The following TCAF2 variants were observed in gnomAD, a reference collection of about 807,000 sequenced individuals.
The protein encoded by TCAF2 is TRPM8 channel-associated factor 2.
In TCAF2, 6 loss-of-function variants were observed where a neutral mutation model predicts 33.9. The observed-to-expected ratio is 0.18, with a 90% confidence interval of 0.10 to 0.35. The LOEUF is 0.35. Ranked by LOEUF, TCAF2 falls within the 10% of genes least tolerant of loss-of-function variation. The probability of loss-of-function intolerance (pLI) is 1.00; values close to 1 mark genes in which losing one functional copy is unlikely to be tolerated. For synonymous variants in TCAF2, 41 were observed against 247.8 expected (o/e 0.17, Z 7.84); for missense variants, 109 against 604.0 (o/e 0.18, Z 8.59).
rs1809748359 is a variant in TCAF2, at chr7:143,728,918, C to G, written c.*1251C>G. The G allele has an allele frequency of 6.6e-6, 1 of 152,130 alleles. No individual in the cohort carries two copies. Among genetic ancestry groups the G allele is most frequent in the Non-Finnish European group, 1.5e-5 (1 of 68,030 alleles). The allele number at this position is 152,130 out of a possible 1,614,324, so 9.4% of individuals were successfully genotyped here. ...TTTGTTTTGAATATCATTCCTTAGG[C>G]TATGTTGAGAGTAGAGTGGCTTCCC... is the stretch of plus-strand genomic sequence containing the variant. On this transcript the variant is annotated 3_prime_UTR_variant, in exon 8 of 8. Transcript: ENST00000684770.
rs1368774485 is a variant in TCAF2 at position 143,720,245 on chromosome 7, ACT to A, written c.1190_1191del (p.Leu397GlnfsTer11). 4 of 1,030,506 alleles carry A rather than the reference ACT, an allele frequency of 3.9e-6. No homozygotes were observed. Among genetic ancestry groups the A allele is most frequent in the Non-Finnish European group, 5.6e-6 (4 of 718,330 alleles). 63.8% of individuals were successfully genotyped at this position (1,030,506 alleles called of 1,614,324 possible). A position where few individuals can be genotyped will look rare whatever the true frequency, so the allele number is the denominator to read the frequency against. ...NCFGLSILPQ[T>X]LKAGCFPVPT... Reference sequence around the variant, plus strand: ...CTTTGGCCTCAGCATCCTGCCTCAGACTCTCAAAGCAGGCTGCTTCCCCGTTC... The same window carrying A: ...CTTTGGCCTCAGCATCCTGCCTCAGACTCAAAGCAGGCTGCTTCCCCGTTC... On this transcript the variant is annotated frameshift_variant, in exon 3 of 8. Coordinates refer to ENST00000684770, the MANE Select transcript of TCAF2 (RefSeq NM_001363538.2). LOFTEE classifies it high-confidence loss of function.
In TCAF2 at chr7:143,730,195, A is replaced by G. The variant is rs1809781647; in HGVS notation, c.*2528A>G. ...GAGGAATCATCACATTGTCTTCCACAATGGTTGAACTAATTTACACTCCCA... is the reference window on the plus strand; with the variant it reads ...GAGGAATCATCACATTGTCTTCCACGATGGTTGAACTAATTTACACTCCCA... On this transcript the variant is annotated 3_prime_UTR_variant, in exon 8 of 8. Transcript: ENST00000684770. 1 of 152,098 alleles carries G rather than the reference A, an allele frequency of 6.6e-6. No homozygotes were observed. Among genetic ancestry groups the G allele is most frequent in the African/African-American group, 2.4e-5 (1 of 41,418 alleles). The allele number at this position is 152,098 out of a possible 1,614,324, so 9.4% of individuals were successfully genotyped here.
intron 1 of TCAF2, among the ~76,000 whole-genome samples, chr7:143,632,263 A>AG (rs1383828256): frequency 2.4e-3 from 38 of 15,526 alleles, no homozygotes; most frequent in Non-Finnish European, 3.9e-3. Context: ...CCCTCCTCAG[A>AG]GCAGTCTTCC....
At chr7:143,623,923 A>G in intron 1 of TCAF2, 1 of 327,312 alleles carries the variant, frequency 3.1e-6, no homozygotes, top group Non-Finnish European at 4.6e-6. Context: ...CCAGGTGCTC[A>G]TTGCTGCCTC....
intron 7 of TCAF2, among the ~76,000 whole-genome samples, chr7:143,725,331 C>G (rs1176361750): frequency 1.3e-5 from 2 of 151,198 alleles, no homozygotes; most frequent in African/African-American, 4.9e-5. Flanking sequence ...AAACACAAAT[C>G]CCTGCCCCCT....
In TCAF2 at chr7:143,728,238, C is replaced by T. The variant is rs545669604; in HGVS notation, c.*571C>T. On this transcript the variant is annotated 3_prime_UTR_variant, in exon 8 of 8. Transcript: ENST00000684770. Reference sequence around the variant, plus strand: ...TCCTGGTCCCATAGTGGACTGTTAACGGTGTCCAGTCTAGCGTGCACATCC... The same window carrying T: ...TCCTGGTCCCATAGTGGACTGTTAATGGTGTCCAGTCTAGCGTGCACATCC... 2.7e-4 allele frequency: 45 copies of T among 168,574 alleles called. No individual in the cohort carries two copies. The highest frequency in any genetic ancestry group is 3.4e-4 in the African/African-American group (14 of 41,516). The allele number at this position is 168,574 out of a possible 1,614,324, so 10.4% of individuals were successfully genotyped here. A position where few individuals can be genotyped will look rare whatever the true frequency, so the allele number is the denominator to read the frequency against.
rs1220593584 is a variant in TCAF2, at chr7:143,724,698, G to T, written c.2505+1G>T. On this transcript the variant is annotated splice_donor_variant, in intron 7 of 7. Coordinates refer to ENST00000684770, the MANE Select transcript of TCAF2 (RefSeq NM_001363538.2). LOFTEE classifies it high-confidence loss of function. ...GACAGCCCTGGAAACATATCTACAG[G>T]TACTGAGCAGAAATTCTGGGAGAAG... 6.2e-7 allele frequency: 1 copy of T among 1,601,068 alleles called. No homozygotes were observed. The highest frequency in any genetic ancestry group is 1.4e-5 in the African/African-American group (1 of 71,716).
chr7:143,728,817 A>T lies in TCAF2; in HGVS notation c.*1150A>T, dbSNP rs1809744080. 1 of 152,174 alleles carries T rather than the reference A, an allele frequency of 6.6e-6. No individual in the cohort carries two copies. The highest frequency in any genetic ancestry group is 1.5e-5 in the Non-Finnish European group (1 of 68,030). The allele number at this position is 152,174 out of a possible 1,614,324, so 9.4% of individuals were successfully genotyped here. A position where few individuals can be genotyped will look rare whatever the true frequency, so the allele number is the denominator to read the frequency against. ...GACTCTTCGGTTAGAGGGAGTTCTC[A>T]TTGGAGATTTGTCTCTGGGATTAAT... On this transcript the variant is annotated 3_prime_UTR_variant, in exon 8 of 8. Transcript: ENST00000684770.
At chr7:143,622,608 T>C (rs1162099281) in intron 1 of TCAF2, among the ~76,000 whole-genome samples, 1 of 38,296 alleles carries the variant, frequency 2.6e-5, no homozygotes, top group Non-Finnish European at 6.2e-5. Context: ...TTTTATTTTA[T>C]TTTTTGAGGC....
chr7:143,725,054 GT>G, intron 7 of TCAF2: 1 of 267,674 alleles, frequency 3.7e-6, no homozygotes, highest in South Asian at 6.3e-5. Context: ...CTCCTAATAA[GT>G]GTTCCATAAA....
rs1809720571 is a variant in TCAF2, at chr7:143,727,948, T to C, written c.*281T>C. 1 of 169,384 alleles carries C rather than the reference T, an allele frequency of 5.9e-6. No individual in the cohort carries two copies. Among genetic ancestry groups the C allele is most frequent in the African/African-American group, 2.6e-5 (1 of 38,724 alleles). The allele number at this position is 169,384 out of a possible 1,614,324, so 10.5% of individuals were successfully genotyped here. A position where few individuals can be genotyped will look rare whatever the true frequency, so the allele number is the denominator to read the frequency against. On this transcript the variant is annotated 3_prime_UTR_variant, in exon 8 of 8. Coordinates refer to ENST00000684770, the MANE Select transcript of TCAF2 (RefSeq NM_001363538.2). ...TTTCATCCTGCCATCCTGAGGCTTC[T>C]ATTTTTGACCAATAGCTCTAAAGAC...
rs766829014 is a variant in TCAF2, at chr7:143,623,985, G to A, written c.-12+2965G>A. ...TTGTGTCCCATGAGGGCTACCTGTCGCATGCTGGCTTGGCTTCATTTCTCC... is the reference window on the plus strand; with the variant it reads ...TTGTGTCCCATGAGGGCTACCTGTCACATGCTGGCTTGGCTTCATTTCTCC... On this transcript the variant is annotated intron_variant, in intron 1 of 7. Transcript: ENST00000684770. The A allele has an allele frequency of 1.4e-5, 7 of 489,952 alleles. 3 individuals carry two copies. Among genetic ancestry groups the A allele is most frequent in the East Asian group, 4.0e-4 (2 of 5,038 alleles). The allele number at this position is 489,952 out of a possible 1,614,324, so 30.4% of individuals were successfully genotyped here.
Position 143,634,997 on chromosome 7 carries a change from G to A in TCAF2, c.-12+13977G>A, listed in dbSNP as rs1405419606. Reference sequence around the variant, plus strand: ...CATAGTTCTCTCTAGTCCTTTTTTTGATGTTATAGATCCTAAGAAAACATC... The same window carrying A: ...CATAGTTCTCTCTAGTCCTTTTTTTAATGTTATAGATCCTAAGAAAACATC... On this transcript the variant is annotated intron_variant, in intron 1 of 7. Coordinates refer to ENST00000684770, the MANE Select transcript of TCAF2 (RefSeq NM_001363538.2). 1.2e-4 allele frequency among the ~76,000 whole-genome samples: 13 copies of A among 104,380 alleles called. No individual in the cohort carries two copies. The East Asian group carries it at 3.2e-3, about 26-fold the overall frequency. 68.5% of individuals were successfully genotyped at this position (104,380 alleles called of 152,430 possible). A position where few individuals can be genotyped will look rare whatever the true frequency, so the allele number is the denominator to read the frequency against.
rs990086562 is a variant in TCAF2, at chr7:143,728,557, T to C, written c.*890T>C. ...TTTGCCCTTCAACCAAAGGACAAAG[T>C]CATGTTAACAGCTGCTACTAAGTCT... On this transcript the variant is annotated 3_prime_UTR_variant, in exon 8 of 8. Transcript: ENST00000684770. The C allele has an allele frequency of 1.3e-5, 2 of 152,156 alleles. No individual in the cohort carries two copies. The highest frequency in any genetic ancestry group is 4.8e-5 in the African/African-American group (2 of 41,420). The allele number at this position is 152,156 out of a possible 1,614,324, so 9.4% of individuals were successfully genotyped here.
Position 143,729,807 on chromosome 7 carries a change from T to C in TCAF2, c.*2140T>C, listed in dbSNP as rs1809773660. ...CCCCAGTGTGATGTTTCCCTCCCTG[T>C]GTCCATTTGTTCTCATTTTTCATCT... On this transcript the variant is annotated 3_prime_UTR_variant, in exon 8 of 8. Transcript: ENST00000684770. 1 of 152,244 alleles carries C rather than the reference T, an allele frequency of 6.6e-6. No homozygotes were observed. Among genetic ancestry groups the C allele is most frequent in the East Asian group, 1.9e-4 (1 of 5,186 alleles). The allele number at this position is 152,244 out of a possible 1,614,324, so 9.4% of individuals were successfully genotyped here.
At position 143,637,776 on chromosome 7, in the gene TCAF2, TG is replaced by T. The variant is rs1382435348; in HGVS notation, c.-12+16758del. Reference sequence around the variant, plus strand: ...AGAAAACACTCTTATCAGTTTATTGTGGTTGTTCCCTGACATTTTGGACATA... The same window carrying T: ...AGAAAACACTCTTATCAGTTTATTGTGTTGTTCCCTGACATTTTGGACATA... On this transcript the variant is annotated intron_variant, in intron 1 of 7. Coordinates refer to ENST00000684770, the MANE Select transcript of TCAF2 (RefSeq NM_001363538.2). 5.4e-3 allele frequency among the ~76,000 whole-genome samples: 555 copies of T among 103,150 alleles called. 14 individuals are homozygous for T. Among genetic ancestry groups the T allele is most frequent in the African/African-American group, 0.019 (540 of 28,548 alleles). The allele number at this position is 103,150 out of a possible 152,430, so 67.7% of individuals were successfully genotyped here. A position where few individuals can be genotyped will look rare whatever the true frequency, so the allele number is the denominator to read the frequency against.
chr7:143,707,242 A>AT (rs1337235654), intron 2 of TCAF2, among the ~76,000 whole-genome samples: 1 of 144,732 alleles, frequency 6.9e-6, no homozygotes, highest in African/African-American at 2.7e-5. Context: ...AGGTAGGAGA[A>AT]TCACATGAAC....
intron 1 of TCAF2, among the ~76,000 whole-genome samples, chr7:143,701,821 ATT>A (rs1217656675): frequency 1.0e-5 from 1 of 99,326 alleles, no homozygotes; most frequent in African/African-American, 3.8e-5. Flanking sequence ...ATTTTATTTT[ATT>A]TTATTTTTTG....
chr7:143,724,736 C>T (rs758480979), intron 7 of TCAF2, 39 bp downstream of exon 7: 52 of 1,552,776 alleles, frequency 3.3e-5, no homozygotes, highest in East Asian at 1.1e-4. Context: ...GATGACCAGA[C>T]CCCTCAGTCA....
Sources: gnomAD v4.1 joint callset for allele counts (sites outside exome capture counted in the v4.1 genomes callset) on GRCh38, gnomAD v4.1.1 for gene constraint, MANE v1.5 for transcripts, NCBI Gene and HGNC (gene_info 2026-07-23, HGNC 2026-07-21) for gene names.